Variants in PTPRA observed in about 807,000 individuals in gnomAD.
PTPRA encodes the protein protein tyrosine phosphatase receptor type A.
Under a neutral mutation model 104.8 loss-of-function variants are expected in PTPRA, and 25 were observed. The observed-to-expected ratio is 0.24, with a 90% confidence interval of 0.17 to 0.33. PTPRA has a LOEUF of 0.33. Ranked by LOEUF, PTPRA falls within the 10% of genes least tolerant of loss-of-function variation. The pLI, the probability that PTPRA is intolerant of heterozygous loss-of-function variation, is 1.00. For synonymous variants in PTPRA, 323 were observed against 368.9 expected, an observed-to-expected ratio of 0.88 and a Z score of 1.43; for missense variants, 765 against 1,015.3, an observed-to-expected ratio of 0.75 and a Z score of 3.35.
In PTPRA at chr20:2,895,184, T is replaced by A. The variant is rs572013309; in HGVS notation, c.-129+21424T>A. On this transcript the variant is annotated intron_variant, in intron 1 of 23. Transcript: ENST00000399903. ...TCTGCCTCCCAGGTTCAAGTGATTC[T>A]CGTGCCTCAGCCTCCTGAGTAGTTG... Among the ~76,000 whole-genome samples the A allele has an allele frequency of 1.4e-4, 21 of 152,102 alleles. 1 individual carries two copies. In the South Asian group the frequency reaches 4.4e-3, roughly 32 times the overall value.
intron 1 of PTPRA, among the ~76,000 whole-genome samples, chr20:2,897,171 T>C (rs2059032295): frequency 6.6e-6 from 1 of 152,214 alleles, no homozygotes; most frequent in African/African-American, 2.4e-5. Context: ...AAAATTAGTT[T>C]AGAGGTATTT....
chr20:2,963,803 T>C (rs2061847337), intron 3 of PTPRA, among the ~76,000 whole-genome samples: 1 of 152,002 alleles, frequency 6.6e-6, no homozygotes, highest in Non-Finnish European at 1.5e-5. Context: ...CTTTGGGAAG[T>C]TGAAGCAAGA....
At chr20:3,033,832 G>T (rs897350745) in intron 20 of PTPRA, among the ~76,000 whole-genome samples, 3 of 151,018 alleles carry the variant, frequency 2.0e-5, no homozygotes, top group Admixed American at 1.3e-4. Flanking sequence ...CCCGGGAGCC[G>T]GAGGTTGCAG....
chr20:2,947,738 A>T (rs2061190180), intron 2 of PTPRA, among the ~76,000 whole-genome samples: 1 of 152,180 alleles, frequency 6.6e-6, no homozygotes, highest in South Asian at 2.1e-4. Context: ...CTGGAAAGAT[A>T]AGAGATTTCA....
At chr20:2,895,684 T>A (rs886117885) in intron 1 of PTPRA, among the ~76,000 whole-genome samples, 2 of 151,994 alleles carry the variant, frequency 1.3e-5, no homozygotes, top group Non-Finnish European at 2.9e-5. Context: ...ACACCTGGAA[T>A]TAGTCTGGCT....
chr20:3,035,776 C>T lies in PTPRA; in HGVS notation c.2047-14C>T, dbSNP rs1273907675. 6.2e-7 allele frequency: 1 copy of T among 1,614,072 alleles called. No individual in the cohort carries two copies. The highest frequency in any genetic ancestry group is 1.3e-5 in the African/African-American group (1 of 74,914). ...AGGGTTACCCCTGCCTCCCTGATCC[C>T]CTTTTTTCCAAAGGAGAATAAGAGC... On this transcript the variant is annotated splice_polypyrimidine_tract_variant and intron_variant, in intron 21 of 23. Transcript: ENST00000399903. This position sits in a 1 kb window ranked among gnomAD's most constrained non-coding sequence, Gnocchi z 5.8.
intron 9 of PTPRA, among the ~76,000 whole-genome samples, chr20:2,989,862 A>G (rs1332564412): frequency 6.6e-6 from 1 of 151,634 alleles, no homozygotes; most frequent in Non-Finnish European, 1.5e-5. Flanking sequence ...CTAAAAATAC[A>G]AAAAATTAGC....
At chr20:2,982,176 C>T (rs1401359467) in intron 6 of PTPRA, among the ~76,000 whole-genome samples, 2 of 151,098 alleles carry the variant, frequency 1.3e-5, no homozygotes, top group South Asian at 4.2e-4. Context: ...CTGAAACCTC[C>T]GCCTCCTGGG....
At chr20:3,027,582 G>T in intron 19 of PTPRA, 125 bp from the exon 20 acceptor site, 1 of 1,316,408 alleles carries the variant, frequency 7.6e-7, no homozygotes, top group South Asian at 1.4e-5. Context: ...CTTGGCCACA[G>T]GGGAGCTCTG....
At chr20:2,969,669 ATGGTG>A (rs1157917806) in intron 5 of PTPRA, among the ~76,000 whole-genome samples, 1 of 370 alleles carries the variant, frequency 2.7e-3, no homozygotes. Flanking sequence ...CCTGGCTAAC[ATGGTG>A]TAAATAAATA....
rs918976002 is a variant in PTPRA, at chr20:2,946,705, G to A, written c.-49-1277G>A. Among the ~76,000 whole-genome samples the A allele has an allele frequency of 5.3e-5, 8 of 151,722 alleles. No homozygotes were observed. In the South Asian group the frequency reaches 6.2e-4, roughly 12 times the overall value. On this transcript the variant is annotated intron_variant, in intron 2 of 23. Coordinates refer to ENST00000399903, the MANE Select transcript of PTPRA (RefSeq NM_001385305.1). Reference sequence around the variant, plus strand: ...TCTACTAAAATTACAAAAATTAGCCGGGCGTGGTGGCGCATGCCTGTAATC... The same window carrying A: ...TCTACTAAAATTACAAAAATTAGCCAGGCGTGGTGGCGCATGCCTGTAATC...
At chr20:2,926,313 G>A (rs952836590) in intron 2 of PTPRA, among the ~76,000 whole-genome samples, 2 of 152,126 alleles carry the variant, frequency 1.3e-5, no homozygotes, top group African/African-American at 2.4e-5. Flanking sequence ...GAAGTCTTGC[G>A]GGCTGTGCGG....
upstream of PTPRA, among the ~76,000 whole-genome samples, chr20:2,872,736 G>C (rs528045432): frequency 2.0e-5 from 3 of 152,352 alleles, no homozygotes; most frequent in African/African-American, 7.2e-5. The surrounding 1 kb of genome is among the most constrained non-coding windows in gnomAD (Gnocchi z 7.9). Flanking sequence ...GCGCCGGGAA[G>C]GGGGTACGCG....
At chr20:2,960,144 A>G (rs1258673973) in intron 3 of PTPRA, among the ~76,000 whole-genome samples, 1 of 152,020 alleles carries the variant, frequency 6.6e-6, no homozygotes, top group Non-Finnish European at 1.5e-5. Flanking sequence ...GTATAATGAC[A>G]TGTGTCTACC....
intron 1 of PTPRA, among the ~76,000 whole-genome samples, chr20:2,889,829 A>G (rs901641010): frequency 6.6e-6 from 1 of 152,124 alleles, no homozygotes; most frequent in Non-Finnish European, 1.5e-5. Context: ...CCTTATGTTA[A>G]GAGTCCTGAA....
chr20:2,865,670 G>A, the PTPRA span, among the ~76,000 whole-genome samples: 1 of 152,226 alleles, frequency 6.6e-6, no homozygotes, highest in Non-Finnish European at 1.5e-5. The surrounding 1 kb of genome is among the most constrained non-coding windows in gnomAD (Gnocchi z 5.2). Context: ...TGTGTTGGGT[G>A]CACTGGAGGA....
At chr20:2,951,966 G>A (rs879799436) in intron 3 of PTPRA, among the ~76,000 whole-genome samples, 3 of 152,052 alleles carry the variant, frequency 2.0e-5, no homozygotes, top group Non-Finnish European at 2.9e-5. Context: ...ACTAAAAGTA[G>A]AAAAATTAGC....
chr20:3,027,590 C>T (rs1467660846), intron 19 of PTPRA, 117 bp from the exon 20 acceptor site: 25 of 1,378,648 alleles, frequency 1.8e-5, no homozygotes, highest in Non-Finnish European at 2.5e-5. Flanking sequence ...CAGGGGAGCT[C>T]TGCATGGGCT....
chr20:3,013,404 C>CT (rs59282259), intron 11 of PTPRA, among the ~76,000 whole-genome samples: 8,311 of 150,938 alleles, frequency 0.055, 729 homozygotes, highest in African/African-American at 0.19. Flanking sequence ...TTTTAGATGT[C>CT]TAAGAATATA....
Sources: gnomAD v4.1 joint callset for allele counts (sites outside exome capture counted in the v4.1 genomes callset) on GRCh38, gnomAD v4.1.1 for gene constraint, Gnocchi (gnomAD v3.1) non-coding constraint, MANE v1.5 for transcripts, NCBI Gene and HGNC (gene_info 2026-07-23, HGNC 2026-07-21) for gene names.